ADK: variants seen among roughly 807,000 people sequenced by gnomAD.
ADK encodes N6,N6-dimethyladenosine kinase.
Under a neutral mutation model 44.7 loss-of-function variants are expected in ADK, and 24 were observed. That is an observed-to-expected ratio of 0.54 (90% confidence interval 0.39 to 0.76). ADK has a LOEUF of 0.76. Among genes scored for constraint, ADK ranks in the 30% least tolerant of loss-of-function variants. The pLI, the probability that ADK is intolerant of heterozygous loss-of-function variation, is 0.00. For missense variants in ADK, 321 were observed against 425.1 expected, an observed-to-expected ratio of 0.76 and a Z score of 2.15; for synonymous variants, 128 against 142.6, an observed-to-expected ratio of 0.90 and a Z score of 0.73.
At chr10:74,570,186 A>G (rs1564797491) in intron 7 of ADK, among the ~76,000 whole-genome samples, 3 of 151,998 alleles carry the variant, frequency 2.0e-5, no homozygotes, top group East Asian at 1.9e-4. Flanking sequence ...GCCTTGTAGT[A>G]TAGTTTGAAG....
chr10:74,475,039 C>T (rs923995948), intron 6 of ADK, among the ~76,000 whole-genome samples: 4 of 152,110 alleles, frequency 2.6e-5, no homozygotes, highest in South Asian at 2.1e-4. Context: ...GCAGGAGAAT[C>T]GCTTGAACCC....
At chr10:74,385,545 T>C (rs762346736) in intron 4 of ADK, among the ~76,000 whole-genome samples, 8 of 152,166 alleles carry the variant, frequency 5.3e-5, no homozygotes, top group Non-Finnish European at 8.8e-5. Context: ...TTATCCATTA[T>C]TAATTACAAT....
intron 3 of ADK, among the ~76,000 whole-genome samples, chr10:74,261,841 CT>C (rs548023325): frequency 1.6e-4 from 24 of 147,702 alleles, no homozygotes; most frequent in South Asian, 2.2e-4. Context: ...CTTATTATGG[CT>C]TTTTTTTTTC....
intron 9 of ADK, among the ~76,000 whole-genome samples, chr10:74,647,128 A>C (rs1854082269): frequency 6.6e-6 from 1 of 152,084 alleles, no homozygotes; most frequent in Non-Finnish European, 1.5e-5. Context: ...TAGAGTTAGA[A>C]TGTTTTCTCT....
In ADK at chr10:74,478,776, T is replaced by G. The variant is rs199574275; in HGVS notation, c.556-46480T>G. On this transcript the variant is annotated intron_variant, in intron 6 of 10. Coordinates refer to ENST00000539909, the MANE Select transcript of ADK (RefSeq NM_006721.4). ...TACTTAGCATATAGCTAATACACAT[T>G]TATTGAATTAATAAGGTCAGAATTC... Among the ~76,000 whole-genome samples, 5 of 152,330 alleles carry G rather than the reference T, an allele frequency of 3.3e-5. No individual in the cohort carries two copies. In the East Asian group the frequency reaches 9.6e-4, roughly 29 times the overall value.
chr10:74,387,292 C>T (rs1015788152), intron 4 of ADK, among the ~76,000 whole-genome samples: 4 of 152,056 alleles, frequency 2.6e-5, no homozygotes, highest in Admixed American at 1.3e-4. Flanking sequence ...TTATACTGTG[C>T]GAAACTGAAT....
At chr10:74,592,455 C>T (rs1038664995) in intron 8 of ADK, among the ~76,000 whole-genome samples, 3 of 152,002 alleles carry the variant, frequency 2.0e-5, no homozygotes, top group African/African-American at 7.2e-5. Context: ...ACCTCAAAAC[C>T]TAAATATATA....
At chr10:74,680,317 GAA>G (rs35798713) in intron 10 of ADK, among the ~76,000 whole-genome samples, 60,088 of 138,016 alleles carry the variant, frequency 0.44, 14,249 homozygotes, top group Middle Eastern at 0.6. Flanking sequence ...TCCATCTCAA[GAA>G]AAAAAAAAAA....
intron 6 of ADK, among the ~76,000 whole-genome samples, chr10:74,445,156 C>T (rs1185751109): frequency 6.6e-6 from 1 of 151,872 alleles, no homozygotes; most frequent in East Asian, 1.9e-4. Context: ...AAAATTTTCT[C>T]GCCCTATTCT....
chr10:74,688,354 C>G (rs1252936738), intron 10 of ADK, among the ~76,000 whole-genome samples: 1 of 152,164 alleles, frequency 6.6e-6, no homozygotes, highest in Non-Finnish European at 1.5e-5. Context: ...TTCAGAAGAA[C>G]AGGAACTGTA....
At chr10:74,155,433 CGT>C (rs1464229227) in intron 1 of ADK, among the ~76,000 whole-genome samples, 1 of 151,832 alleles carries the variant, frequency 6.6e-6, no homozygotes, top group East Asian at 1.9e-4. Flanking sequence ...TGGGATTACA[CGT>C]GTGAGCCACC....
chr10:74,235,856 T>C (rs1188782833), intron 3 of ADK, among the ~76,000 whole-genome samples: 2 of 152,202 alleles, frequency 1.3e-5, no homozygotes, highest in Non-Finnish European at 2.9e-5. Context: ...AGTGCATTAA[T>C]GCAGGAGTGG....
chr10:74,377,608 T>G (rs565183023), intron 4 of ADK, among the ~76,000 whole-genome samples: 24 of 152,334 alleles, frequency 1.6e-4, no homozygotes, highest in African/African-American at 5.8e-4. Flanking sequence ...AATTGTCGTT[T>G]ATCAGGAAGG....
chr10:74,684,163 C>T lies in ADK; in HGVS notation c.964+13894C>T, dbSNP rs540805573. ...ATTAGAAGTACCAGAAGTTTAGCCC[C>T]TAAAATCAGTTAACCACTTGGGAGT... On this transcript the variant is annotated intron_variant, in intron 10 of 10. Coordinates refer to ENST00000539909, the MANE Select transcript of ADK (RefSeq NM_006721.4). 7.2e-5 allele frequency among the ~76,000 whole-genome samples: 11 copies of T among 152,228 alleles called. No individual in the cohort carries two copies. In the South Asian group the frequency reaches 2.3e-3, roughly 32 times the overall value.
intron 1 of ADK, among the ~76,000 whole-genome samples, chr10:74,188,670 G>A (rs1842851934): frequency 6.6e-6 from 1 of 151,916 alleles, no homozygotes; most frequent in Non-Finnish European, 1.5e-5. Flanking sequence ...CTCCTCTTGT[G>A]GATTTGATTT....
chr10:74,212,571 G>A (rs746362819), intron 2 of ADK, among the ~76,000 whole-genome samples: 1 of 152,122 alleles, frequency 6.6e-6, no homozygotes, highest in Admixed American at 6.6e-5. Flanking sequence ...GTTCTTGTGA[G>A]GATTGAATGA....
intron 7 of ADK, among the ~76,000 whole-genome samples, chr10:74,539,176 T>G (rs528915579): frequency 6.6e-6 from 1 of 152,196 alleles, no homozygotes; most frequent in Non-Finnish European, 1.5e-5. Context: ...TTTTGTCAAG[T>G]CTAGTTCTTT....
At chr10:74,203,757 G>GATTATTATT (rs141988599) in intron 2 of ADK, among the ~76,000 whole-genome samples, 1 of 148,928 alleles carries the variant, frequency 6.7e-6, no homozygotes, top group African/African-American at 2.5e-5. Context: ...TGTTTTTCAA[G>GATTATTATT]ATTATTATTA....
At chr10:74,609,097 T>C (rs1299417867) in intron 9 of ADK, among the ~76,000 whole-genome samples, 1 of 152,152 alleles carries the variant, frequency 6.6e-6, no homozygotes, top group Non-Finnish European at 1.5e-5. Context: ...CCCACCAAGC[T>C]TGAGCATCCC....
Sources: allele counts gnomAD v4.1 joint callset (sites outside exome capture counted in the v4.1 genomes callset), GRCh38; gene constraint gnomAD v4.1.1; transcripts MANE v1.5; gene names NCBI Gene and HGNC (gene_info 2026-07-23, HGNC 2026-07-21).